The following PDSS2 variants were observed in gnomAD, a reference collection of about 807,000 sequenced individuals.
The protein encoded by PDSS2 is all trans-polyprenyl-diphosphate synthase PDSS2.
PDSS2 carries 31 observed loss-of-function variants against 44.5 expected under a neutral mutation model. The observed-to-expected ratio is 0.70, with a 90% CI of 0.52 to 0.94. The LOEUF (loss-of-function observed/expected upper bound fraction) is 0.94, where lower values mean the gene tolerates loss of function less well. Ranked by LOEUF, PDSS2 falls within the 40% of genes least tolerant of loss-of-function variation. PDSS2 has a pLI of 0.00. For missense variants in PDSS2, 452 were observed against 482.2 expected (o/e 0.94, Z 0.59); for synonymous variants, 157 against 180.3 (o/e 0.87, Z 1.03).
chr6:107,253,755 G>A (rs1774906077), intron 3 of PDSS2, among the ~76,000 whole-genome samples: 1 of 152,176 alleles, frequency 6.6e-6, no homozygotes, highest in Non-Finnish European at 1.5e-5. Flanking sequence ...AAGGTGCATG[G>A]TCTTGGACTA....
chr6:107,417,778 TAC>T (rs59602150), intron 1 of PDSS2, among the ~76,000 whole-genome samples: 19,778 of 146,830 alleles, frequency 0.13, 1,740 homozygotes, highest in African/African-American at 0.25. Flanking sequence ...TTAATAATAA[TAC>T]ACACACACAC....
rs566639632 is a variant in PDSS2, at chr6:107,435,718, G to A, written c.296+23272C>T. Among the ~76,000 whole-genome samples, 7 of 152,198 alleles carry A rather than the reference G, an allele frequency of 4.6e-5. No individual in the cohort carries two copies. The South Asian group carries it at 1.2e-3, about 27-fold the overall frequency. Reference sequence around the variant, plus strand: ...AATTATTAAACACTGTCAAGAGCTCGATCATGCAAATTATCACTGTTTCAA... The same window carrying A: ...AATTATTAAACACTGTCAAGAGCTCAATCATGCAAATTATCACTGTTTCAA... On this transcript the variant is annotated intron_variant, in intron 1 of 7. Transcript: ENST00000369037.
At chr6:107,360,915 T>C (rs1036509858) in intron 1 of PDSS2, among the ~76,000 whole-genome samples, 1 of 152,228 alleles carries the variant, frequency 6.6e-6, no homozygotes, top group African/African-American at 2.4e-5. Context: ...CAGCATTTTA[T>C]GGTACATGAA....
intron 3 of PDSS2, among the ~76,000 whole-genome samples, chr6:107,263,410 G>A (rs1775311604): frequency 6.6e-6 from 1 of 151,046 alleles, no homozygotes; most frequent in Non-Finnish European, 1.5e-5. Context: ...CCGAGACTGA[G>A]CCACTGCACT....
At chr6:107,443,715 T>C (rs1225613239) in intron 1 of PDSS2, among the ~76,000 whole-genome samples, 1 of 152,162 alleles carries the variant, frequency 6.6e-6, no homozygotes, top group African/African-American at 2.4e-5. Flanking sequence ...AGCAATTTAT[T>C]ATGTCTTAAA....
At chr6:107,440,437 T>C (rs1241602887) in intron 1 of PDSS2, among the ~76,000 whole-genome samples, 2 of 152,204 alleles carry the variant, frequency 1.3e-5, no homozygotes, top group Non-Finnish European at 2.9e-5. Flanking sequence ...AATGGTGAAA[T>C]AGCCTATGAC....
At chr6:107,187,499 T>C (rs1350828075) in intron 7 of PDSS2, among the ~76,000 whole-genome samples, 1 of 152,072 alleles carries the variant, frequency 6.6e-6, no homozygotes, top group African/African-American at 2.4e-5. Context: ...ACCCCATCTC[T>C]ACTAAAAATA....
chr6:107,449,984 A>G (rs1301944902), intron 1 of PDSS2, among the ~76,000 whole-genome samples: 12 of 152,220 alleles, frequency 7.9e-5, no homozygotes. Flanking sequence ...GCTACTGTGA[A>G]TACTGCTGCT....
chr6:107,368,206 T>C (rs896832861), intron 1 of PDSS2, among the ~76,000 whole-genome samples: 2 of 151,214 alleles, frequency 1.3e-5, no homozygotes, highest in African/African-American at 4.9e-5. Flanking sequence ...GAGGCAGAAG[T>C]TGCAGTGAGA....
chr6:107,254,503 C>G (rs902583590), intron 3 of PDSS2, among the ~76,000 whole-genome samples: 2 of 152,106 alleles, frequency 1.3e-5, no homozygotes, highest in African/African-American at 4.8e-5. Flanking sequence ...AAACAAGCAA[C>G]GTAAAACTGA....
At chr6:107,169,970 C>T (rs1771504401) in intron 7 of PDSS2, among the ~76,000 whole-genome samples, 1 of 152,196 alleles carries the variant, frequency 6.6e-6, no homozygotes, top group Non-Finnish European at 1.5e-5. Context: ...AGATCTCCAA[C>T]TCTGTGCTGG....
intron 3 of PDSS2, among the ~76,000 whole-genome samples, chr6:107,263,137 GA>G (rs1351351595): frequency 1.3e-5 from 2 of 150,764 alleles, no homozygotes; most frequent in African/African-American, 4.9e-5. Context: ...GTAGAATGCA[GA>G]TTTTTTTTTT....
intron 1 of PDSS2, among the ~76,000 whole-genome samples, chr6:107,444,126 C>T (rs1050878634): frequency 6.6e-6 from 1 of 152,136 alleles, no homozygotes; most frequent in Admixed American, 6.5e-5. Context: ...CTCCCAGGCT[C>T]AAGTGATCCT....
intron 7 of PDSS2, among the ~76,000 whole-genome samples, chr6:107,185,077 G>A (rs980779005): frequency 7.9e-5 from 11 of 139,122 alleles, no homozygotes; most frequent in African/African-American, 2.9e-4. Context: ...GTTCGAGGCT[G>A]TAGCCACTGC....
At chr6:107,287,517 A>T (rs760160594) in intron 2 of PDSS2, among the ~76,000 whole-genome samples, 9 of 151,926 alleles carry the variant, frequency 5.9e-5, no homozygotes, top group Non-Finnish European at 1.0e-4. Context: ...TTTTTAATTA[A>T]AAATTTTCAT....
chr6:107,415,685 G>A lies in PDSS2; in HGVS notation c.296+43305C>T, dbSNP rs539887083. Reference sequence around the variant, plus strand: ...TTTGTATCCCTACACCTACACCTTAGCTCTACTTCAATGTCCACCTAAAGT... The same window carrying A: ...TTTGTATCCCTACACCTACACCTTAACTCTACTTCAATGTCCACCTAAAGT... On this transcript the variant is annotated intron_variant, in intron 1 of 7. Transcript: ENST00000369037. Among the ~76,000 whole-genome samples, 4 of 152,302 alleles carry A rather than the reference G, an allele frequency of 2.6e-5. No individual in the cohort carries two copies. The East Asian group carries it at 7.7e-4, about 29-fold the overall frequency.
At chr6:107,435,544 C>T (rs886577230) in intron 1 of PDSS2, among the ~76,000 whole-genome samples, 3 of 152,062 alleles carry the variant, frequency 2.0e-5, no homozygotes, top group Non-Finnish European at 4.4e-5. Flanking sequence ...CTTTTAAAAA[C>T]ACAGTGGCCT....
intron 7 of PDSS2, among the ~76,000 whole-genome samples, chr6:107,168,790 T>G (rs1472727922): frequency 1.3e-5 from 2 of 152,158 alleles, no homozygotes; most frequent in African/African-American, 4.8e-5. Flanking sequence ...TCTTTAAGAA[T>G]GTTGAATATT....
chr6:107,221,119 G>T (rs1171266081), intron 4 of PDSS2, among the ~76,000 whole-genome samples: 1 of 152,158 alleles, frequency 6.6e-6, no homozygotes, highest in Non-Finnish European at 1.5e-5. Flanking sequence ...GAGGCAGGTG[G>T]ATCACGAGGT....
Sources: gnomAD v4.1 joint callset for allele counts (sites outside exome capture counted in the v4.1 genomes callset) on GRCh38, gnomAD v4.1.1 for gene constraint, MANE v1.5 for transcripts, NCBI Gene and HGNC (gene_info 2026-07-23, HGNC 2026-07-21) for gene names.